TXK: variants seen among roughly 807,000 people sequenced by gnomAD.
TXK encodes the protein tyrosine-protein kinase TXK.
TXK carries 60 observed loss-of-function variants against 81.0 expected under a neutral mutation model. That is an observed-to-expected ratio of 0.74 (90% CI 0.60 to 0.92). The LOEUF is 0.92. Among genes scored for constraint, TXK ranks in the 40% least tolerant of loss-of-function variants. The pLI, the probability that TXK is intolerant of heterozygous loss-of-function variation, is 0.00. For synonymous variants in TXK, 203 were observed against 210.7 expected (o/e 0.96, Z 0.32); for missense variants, 581 against 638.3 (o/e 0.91, Z 0.97).
chr4:48,129,558 G>A (rs143276154), intron 1 of TXK, among the ~76,000 whole-genome samples: 44 of 152,198 alleles, frequency 2.9e-4, no homozygotes, highest in Non-Finnish European at 4.4e-5. Context: ...TGGAGTCCCG[G>A]GCACCAGGGA....
At chr4:48,089,518 G>A in intron 9 of TXK, 1 of 333,712 alleles carries the variant, frequency 3.0e-6, no homozygotes, top group Non-Finnish European at 5.9e-6. Flanking sequence ...AGCCTCCCAA[G>A]TAGCTGGGAT....
Position 48,112,498 on chromosome 4 carries a change from A to G in TXK, c.189T>C (p.Arg63=). The G allele has an allele frequency of 6.2e-7, 1 of 1,613,926 alleles. No homozygotes were observed. Among genetic ancestry groups the G allele is most frequent in the Admixed American group, 1.7e-5 (1 of 60,012 alleles). Residue 63 remains arginine (R), a synonymous_variant, in exon 4 of 15, where the codon CGT becomes CGC. Coordinates refer to ENST00000264316, the MANE Select transcript of TXK (RefSeq NM_003328.3). ...LSNKKQSNTG[R]VQPSKRKPLP... ...GTGGCTTTCGTTTTGACGGCTGCAC[A>G]CGGCCCGTGTTGGACTGTGAAAACC...
rs1472115932 is a variant in TXK at position 48,071,689 on chromosome 4, G to T, written c.1358-15C>A. 4 of 1,612,870 alleles carry T rather than the reference G, an allele frequency of 2.5e-6. No individual in the cohort carries two copies. Among genetic ancestry groups the T allele is most frequent in the African/African-American group, 1.3e-5 (1 of 74,836 alleles). On this transcript the variant is annotated splice_polypyrimidine_tract_variant and intron_variant, in intron 13 of 14. Transcript: ENST00000264316. ...CATTAAAACTCCTGCAAACAAAAAT[G>T]CAGGAAAACAAGGGGTTAGAGAGAA...
At chr4:48,122,542 C>A (rs536014482) in intron 1 of TXK, among the ~76,000 whole-genome samples, 7 of 152,198 alleles carry the variant, frequency 4.6e-5, no homozygotes, top group African/African-American at 1.7e-4. Flanking sequence ...TATTTCTCAC[C>A]TTCTAACATG....
chr4:48,094,255 T>C, intron 7 of TXK, 51 bp from the exon 8 acceptor site: 1 of 1,598,650 alleles, frequency 6.3e-7, no homozygotes, highest in Non-Finnish European at 8.5e-7. Flanking sequence ...TCAATTTGGA[T>C]CTAAGCCAAC....
At chr4:48,113,558 A>G (rs1381200423) in intron 2 of TXK, among the ~76,000 whole-genome samples, 1 of 152,238 alleles carries the variant, frequency 6.6e-6, no homozygotes, top group Admixed American at 6.5e-5. Context: ...AACATGTCAC[A>G]TTCCCAGTAG....
chr4:48,068,024 T>C (rs1422232528), intron 14 of TXK, among the ~76,000 whole-genome samples: 2 of 152,138 alleles, frequency 1.3e-5, no homozygotes, highest in Non-Finnish European at 2.9e-5. Context: ...GGCGTGAATA[T>C]GAAAATGTTA....
At chr4:48,088,648 ACTATT>A (rs1717631419) in intron 9 of TXK, among the ~76,000 whole-genome samples, 1 of 152,248 alleles carries the variant, frequency 6.6e-6, no homozygotes, top group South Asian at 2.1e-4. Context: ...TGAGTTGTAC[ACTATT>A]CTATTTGTTT....
chr4:48,106,681 C>T (rs933811499), intron 5 of TXK, among the ~76,000 whole-genome samples: 1 of 152,092 alleles, frequency 6.6e-6, no homozygotes, highest in African/African-American at 2.4e-5. Flanking sequence ...TGTAAATCTG[C>T]TTCTCTTAGT....
chr4:48,080,662 T>TCA (rs57819050), intron 10 of TXK, among the ~76,000 whole-genome samples: 6,830 of 144,444 alleles, frequency 0.047, 191 homozygotes, highest in African/African-American at 0.071. Flanking sequence ...TATTTGGTAA[T>TCA]CACACACACA....
chr4:48,076,877 C>T (rs2109403633), intron 11 of TXK, among the ~76,000 whole-genome samples: 2 of 152,308 alleles, frequency 1.3e-5, no homozygotes, highest in South Asian at 4.1e-4. Flanking sequence ...GACCCACCCA[C>T]CTTGGCTTCC....
chr4:48,112,295 T>C lies in TXK; in HGVS notation c.380+12A>G. 1 of 1,612,656 alleles carries C rather than the reference T, an allele frequency of 6.2e-7. No individual in the cohort carries two copies. The highest frequency in any genetic ancestry group is 8.5e-7 in the Non-Finnish European group (1 of 1,178,634). ...AGAATTGGATACTGACTAAGTCATG[T>C]AAGTGTCTTACCCCAAACGGTCTCT... On this transcript the variant is annotated intron_variant, in intron 4 of 14. Transcript: ENST00000264316.
Position 48,134,248 on chromosome 4 carries a change from A to T in TXK, c.-78T>A. The T allele has an allele frequency of 6.4e-7, 1 of 1,560,442 alleles. No homozygotes were observed. The highest frequency in any genetic ancestry group is 8.8e-7 in the Non-Finnish European group (1 of 1,140,442). On this transcript the variant is annotated 5_prime_UTR_variant, in exon 1 of 15. In the 5' UTR this introduces an upstream ATG that the reference lacks. Coordinates refer to ENST00000264316, the MANE Select transcript of TXK (RefSeq NM_003328.3). ...TCTACTCACAAAAACACATCTTTCAACTGAAATCATAGTTCGCTCAAGATG... is the reference window on the plus strand; with the variant it reads ...TCTACTCACAAAAACACATCTTTCATCTGAAATCATAGTTCGCTCAAGATG...
chr4:48,100,948 T>C (rs1356895857), intron 6 of TXK, among the ~76,000 whole-genome samples: 1 of 151,958 alleles, frequency 6.6e-6, no homozygotes, highest in Non-Finnish European at 1.5e-5. Flanking sequence ...GTATATAGTA[T>C]GCTATCGTTT....
Position 48,079,997 on chromosome 4 carries a change from C to G in TXK, c.1088G>C (p.Arg363Thr), listed in dbSNP as rs1717232635. 16 of 1,614,018 alleles carry G rather than the reference C, an allele frequency of 9.9e-6. No individual in the cohort carries two copies. The East Asian group carries it at 3.6e-4, about 36-fold the overall frequency. Residue 363 changes from arginine (R) to threonine (T), a missense_variant, in exon 11 of 15, where the codon AGG becomes ACG. By Grantham distance (71) the Arg-to-Thr change is moderately conservative. Coordinates refer to ENST00000264316, the MANE Select transcript of TXK (RefSeq NM_003328.3). ...GCATACACTCAGTAGCATTTCCTTC[C>G]TAAGCTTTCCTTTATTCTCCCTGAG... ...NYLRENKGKL[R>T]KEMLLSVCQD...
Position 48,079,968 on chromosome 4 carries a change from C to T in TXK, c.1117G>A (p.Asp373Asn), listed in dbSNP as rs746986627. ...RKEMLLSVCQ[D>N]ICEGMEYLER... is the part of the protein sequence containing the mutation. ...AGATATTCCATTCCTTCACATATAT[C>T]CTGGCATACACTCAGTAGCATTTCC... The change falls in exon 11 of 15, where the codon GAT becomes AAT. Residue 373 changes from aspartate (D) to asparagine (N), a missense_variant. By Grantham distance (23) the Asp-to-Asn change is conservative. Coordinates refer to ENST00000264316, the MANE Select transcript of TXK (RefSeq NM_003328.3). 8 of 1,613,968 alleles carry T rather than the reference C, an allele frequency of 5.0e-6. No homozygotes were observed. The Admixed American group carries it at 1.3e-4, about 27-fold the overall frequency.
intron 5 of TXK, among the ~76,000 whole-genome samples, chr4:48,106,388 GT>G (rs34666709): frequency 1.6e-3 from 230 of 146,890 alleles, no homozygotes; most frequent in Middle Eastern, 3.6e-3. Flanking sequence ...AGTTAGAAGG[GT>G]TTTTTTTTTT....
At chr4:48,099,268 A>ATTTC (rs1449769885) in intron 6 of TXK, among the ~76,000 whole-genome samples, 2 of 152,232 alleles carry the variant, frequency 1.3e-5, no homozygotes, top group Non-Finnish European at 2.9e-5. Context: ...CAAAAGATGA[A>ATTTC]ATACTTTAAG....
At chr4:48,102,740 T>C (rs138003115) in intron 6 of TXK, among the ~76,000 whole-genome samples, 4 of 152,342 alleles carry the variant, frequency 2.6e-5, no homozygotes, top group South Asian at 4.1e-4. Context: ...TACAATTTTA[T>C]ATAGTCATAT....
Sources: gnomAD v4.1 joint callset for allele counts (sites outside exome capture counted in the v4.1 genomes callset) on GRCh38, gnomAD v4.1.1 for gene constraint, MANE v1.5 for transcripts, NCBI Gene and HGNC (gene_info 2026-07-23, HGNC 2026-07-21) for gene names.